The following PPP1R12B variants were observed in gnomAD, a reference collection of about 807,000 sequenced individuals.
PPP1R12B encodes the protein myosin phosphatase target subunit 2.
In PPP1R12B, 76 loss-of-function variants were observed where a neutral mutation model predicts 126.1. The observed-to-expected ratio is 0.60, with a 90% confidence interval of 0.50 to 0.73. The LOEUF (loss-of-function observed/expected upper bound fraction) is 0.73, where lower values mean the gene tolerates loss of function less well. PPP1R12B is among the 30% of genes least tolerant of loss of function. The probability of loss-of-function intolerance (pLI) is 0.00; values close to 1 mark genes in which losing one functional copy is unlikely to be tolerated. For missense variants in PPP1R12B, 1,052 were observed against 1,205.1 expected, an observed-to-expected ratio of 0.87 and a Z score of 1.88; for synonymous variants, 356 against 434.7, an observed-to-expected ratio of 0.82 and a Z score of 2.25.
chr1:202,404,573 T>C (rs184241075), intron 1 of PPP1R12B, among the ~76,000 whole-genome samples: 1 of 152,226 alleles, frequency 6.6e-6, no homozygotes, highest in East Asian at 1.9e-4. Context: ...GTGTCTTGGC[T>C]CACTGCAGCT....
chr1:202,437,000 A>G (rs939917525), intron 9 of PPP1R12B, among the ~76,000 whole-genome samples: 1 of 152,124 alleles, frequency 6.6e-6, no homozygotes, highest in Non-Finnish European at 1.5e-5. Context: ...TCAGTGTTAA[A>G]TCACTGTATC....
At chr1:202,520,461 G>A (rs1345985391) in intron 18 of PPP1R12B, among the ~76,000 whole-genome samples, 1 of 152,224 alleles carries the variant, frequency 6.6e-6, no homozygotes, top group African/African-American at 2.4e-5. Context: ...TTTATGGGAA[G>A]CAGTGGTGGA....
intron 13 of PPP1R12B, among the ~76,000 whole-genome samples, chr1:202,465,763 CT>C (rs1674894532): frequency 6.6e-6 from 1 of 152,144 alleles, no homozygotes; most frequent in African/African-American, 2.4e-5. Flanking sequence ...ACTGACCTAG[CT>C]TTTAAACTTA....
At chr1:202,431,023 C>G (rs1431980305) in intron 7 of PPP1R12B, among the ~76,000 whole-genome samples, 2 of 152,194 alleles carry the variant, frequency 1.3e-5, no homozygotes, top group Non-Finnish European at 2.9e-5. Context: ...TTTTAAACTT[C>G]AGAATTAATT....
Position 202,417,057 on chromosome 1 carries a change from T to G in PPP1R12B, c.422+140T>G. 3 of 1,155,200 alleles carry G rather than the reference T, an allele frequency of 2.6e-6. No homozygotes were observed. In the South Asian group the frequency reaches 7.8e-5, roughly 30 times the overall value. The allele number at this position is 1,155,200 out of a possible 1,614,324, so 71.6% of individuals were successfully genotyped here. A position where few individuals can be genotyped will look rare whatever the true frequency, so the allele number is the denominator to read the frequency against. Reference sequence around the variant, plus strand: ...ATTACAAAAGCAGAAAGTTGAATTATCTTTAAGCCATAACTAATACAATGT... The same window carrying G: ...ATTACAAAAGCAGAAAGTTGAATTAGCTTTAAGCCATAACTAATACAATGT... On this transcript the variant is annotated intron_variant, in intron 2 of 23. Transcript: ENST00000608999.
At chr1:202,501,155 A>T (rs1222285139) in intron 18 of PPP1R12B, among the ~76,000 whole-genome samples, 1 of 152,228 alleles carries the variant, frequency 6.6e-6, no homozygotes, top group African/African-American at 2.4e-5. Flanking sequence ...GTCTTTCTGA[A>T]TGAAAAATAA....
chr1:202,487,002 A>C (rs1437961117), intron 13 of PPP1R12B, among the ~76,000 whole-genome samples: 1 of 152,228 alleles, frequency 6.6e-6, no homozygotes, highest in Non-Finnish European at 1.5e-5. Context: ...GGAAAATTAT[A>C]AGCCAATTTC....
At chr1:202,377,832 GTTT>G (rs74860606) in intron 1 of PPP1R12B, among the ~76,000 whole-genome samples, 222 of 97,206 alleles carry the variant, frequency 2.3e-3, no homozygotes, top group African/African-American at 0.011. Flanking sequence ...AAAGACAGGT[GTTT>G]TTTTTTTTTT....
At chr1:202,511,647 G>A (rs1249329805) in intron 18 of PPP1R12B, among the ~76,000 whole-genome samples, 4 of 151,804 alleles carry the variant, frequency 2.6e-5, no homozygotes, top group African/African-American at 9.7e-5. Flanking sequence ...ACGATATTTG[G>A]TTTTCCATTC....
At chr1:202,452,914 A>G (rs1240652167) in intron 13 of PPP1R12B, among the ~76,000 whole-genome samples, 1 of 148,186 alleles carries the variant, frequency 6.7e-6, no homozygotes, top group Non-Finnish European at 1.5e-5. Flanking sequence ...CCATTTTCCC[A>G]CCTCTGCCTT....
At chr1:202,564,315 C>A (rs1572523362) in intron 20 of PPP1R12B, 128 bp from the exon 21 acceptor site, 4 of 594,406 alleles carry the variant, frequency 6.7e-6, no homozygotes, top group Non-Finnish European at 1.2e-5. Flanking sequence ...CTGCTCCCTA[C>A]CCTTCCTTCA....
chr1:202,531,082 C>T, intron 18 of PPP1R12B, among the ~76,000 whole-genome samples: 1 of 152,176 alleles, frequency 6.6e-6, no homozygotes, highest in East Asian at 1.9e-4. Flanking sequence ...AGGATTTTCA[C>T]ATCGCATAAA....
intron 15 of PPP1R12B, among the ~76,000 whole-genome samples, chr1:202,493,568 C>T (rs1679166997): frequency 6.6e-6 from 1 of 152,106 alleles, no homozygotes; most frequent in African/African-American, 2.4e-5. Flanking sequence ...AAGGAGAGGT[C>T]ATAGTATAAC....
intron 1 of PPP1R12B, among the ~76,000 whole-genome samples, chr1:202,366,921 T>C (rs543723050): frequency 3.1e-4 from 47 of 152,340 alleles, no homozygotes; most frequent in Non-Finnish European, 2.9e-5. Flanking sequence ...TACTGTGCCA[T>C]GTGCATAGTT....
intron 3 of PPP1R12B, among the ~76,000 whole-genome samples, chr1:202,422,943 A>G (rs551329870): frequency 6.6e-5 from 10 of 152,348 alleles, no homozygotes; most frequent in Admixed American, 2.0e-4. Context: ...AGGATGACCA[A>G]TCATTCCTTG....
intron 23 of PPP1R12B, chr1:202,574,918 C>A (rs1688949527): frequency 7.7e-7 from 1 of 1,299,510 alleles, no homozygotes; most frequent in East Asian, 2.4e-5. Context: ...CATGTGATTT[C>A]TTTGTCCTAC....
intron 1 of PPP1R12B, among the ~76,000 whole-genome samples, chr1:202,397,858 G>A (rs1359190096): frequency 6.6e-6 from 1 of 152,140 alleles, no homozygotes; most frequent in East Asian, 1.9e-4. Context: ...GATAGCAATG[G>A]TAGTAGTAAT....
chr1:202,439,572 C>T (rs1671339110), intron 10 of PPP1R12B: 4 of 1,409,866 alleles, frequency 2.8e-6, no homozygotes, highest in Non-Finnish European at 2.9e-6. Flanking sequence ...GAACTGACCA[C>T]CCAGGTGGCC....
intron 1 of PPP1R12B, among the ~76,000 whole-genome samples, chr1:202,371,286 G>T (rs1251319856): frequency 2.0e-5 from 3 of 150,508 alleles, no homozygotes; most frequent in South Asian, 4.2e-4. Flanking sequence ...CTCCCAAAGT[G>T]CTGGGATTAC....
Sources: allele counts gnomAD v4.1 joint callset (sites outside exome capture counted in the v4.1 genomes callset), GRCh38; gene constraint gnomAD v4.1.1; transcripts MANE v1.5; gene names NCBI Gene and HGNC (gene_info 2026-07-23, HGNC 2026-07-21).